NPAT: variants seen among roughly 807,000 people sequenced by gnomAD.
NPAT encodes nuclear protein, coactivator of histone transcription.
A neutral mutation model predicts 130.7 loss-of-function variants in NPAT; 52 were observed. That is an observed-to-expected ratio of 0.40 (90% CI 0.32 to 0.50). The LOEUF (loss-of-function observed/expected upper bound fraction) is 0.50, where lower values mean the gene tolerates loss of function less well. Among genes scored for constraint, NPAT ranks in the 20% least tolerant of loss-of-function variants. The pLI, the probability that NPAT is intolerant of heterozygous loss-of-function variation, is 0.68. For synonymous variants in NPAT, 580 were observed against 584.8 expected (o/e 0.99, Z 0.12); for missense variants, 1,687 against 1,662.6 (o/e 1.01, Z -0.26).
At chr11:108,197,453 C>A (rs1468561564) in intron 1 of NPAT, 33 bp from the exon 2 acceptor site, 1 of 1,341,456 alleles carries the variant, frequency 7.5e-7, no homozygotes, top group Non-Finnish European at 1.1e-6. Context: ...GGTACTTATA[C>A]TAAATTCTGT....
chr11:108,208,200 T>G (rs191525500), intron 1 of NPAT, among the ~76,000 whole-genome samples: 222 of 152,230 alleles, frequency 1.5e-3, no homozygotes, highest in African/African-American at 5.2e-3. Context: ...ACAGTTTTGG[T>G]TTTGGAGCAT....
intron 1 of NPAT, among the ~76,000 whole-genome samples, chr11:108,208,053 G>A (rs1228097290): frequency 6.6e-6 from 1 of 152,156 alleles, no homozygotes; most frequent in Non-Finnish European, 1.5e-5. Context: ...GAAATGCTTG[G>A]GACCAGAAGT....
At position 108,173,395 on chromosome 11, in the gene NPAT, C is replaced by T; in HGVS notation, c.1589G>A (p.Ser530Asn). 1 of 1,614,030 alleles carries T rather than the reference C, an allele frequency of 6.2e-7. No homozygotes were observed. Among genetic ancestry groups the T allele is most frequent in the East Asian group, 2.2e-5 (1 of 44,858 alleles). ...NNENLILSGK[S>N]SQLLSQDTSL... ...AGTATCTTGGGATAAAAGTTGAGAA[C>T]TCTTCCCAGAGAGAATTAAGTTTTC... The change falls in exon 13 of 18, where the codon AGT becomes AAT. Residue 530 changes from serine to asparagine, a missense_variant. By Grantham distance (46) the Ser-to-Asn change is conservative (BLOSUM62 1). Transcript: ENST00000278612.
rs376339017 is a variant in NPAT, at chr11:108,172,772, C to A, written c.2212G>T (p.Val738Phe). Reference sequence around the variant, plus strand: ...TCACTAATGATAACTTTGAGAGAGACGATATTTGATGCATCTATCTCTGCT... The same window carrying A: ...TCACTAATGATAACTTTGAGAGAGAAGATATTTGATGCATCTATCTCTGCT... ...NSAEIDASNIVSLKVIISDDP... is the reference protein window; with the variant it reads ...NSAEIDASNIFSLKVIISDDP... Residue 738 changes from valine (V) to phenylalanine (F), a missense_variant, in exon 13 of 18, where the codon GTC becomes TTC. Val to Phe is a conservative substitution (Grantham distance 50). Around this residue, in one of 3 missense-constraint regions of NPAT, gnomAD observed 1,379 missense variants for 1,346.6 expected, o/e 1.02. Transcript: ENST00000278612. The A allele has an allele frequency of 5.6e-6, 9 of 1,613,526 alleles. No individual in the cohort carries two copies. The highest frequency in any genetic ancestry group is 2.2e-5 in the East Asian group (1 of 44,864).
At chr11:108,167,281 GCTTA>G (rs1374542345) in intron 15 of NPAT, among the ~76,000 whole-genome samples, 1 of 152,166 alleles carries the variant, frequency 6.6e-6, no homozygotes, top group African/African-American at 2.4e-5. Context: ...CATGATCATG[GCTTA>G]CTTACAGCCT....
intron 10 of NPAT, among the ~76,000 whole-genome samples, chr11:108,181,736 A>G (rs2134851025): frequency 6.7e-6 from 1 of 149,648 alleles, no homozygotes; most frequent in South Asian, 2.2e-4. Flanking sequence ...CGAGGTCATA[A>G]TAAAAAAAAA....
intron 10 of NPAT, among the ~76,000 whole-genome samples, chr11:108,177,965 C>T (rs1391815979): frequency 6.6e-6 from 1 of 152,134 alleles, no homozygotes. Context: ...ATGCGATCCG[C>T]CCACCTCGGC....
intron 7 of NPAT, 39 bp from the exon 8 acceptor site, chr11:108,186,608 A>AT: frequency 6.8e-7 from 1 of 1,468,382 alleles, no homozygotes; most frequent in East Asian, 2.3e-5. Flanking sequence ...TAACCACTAT[A>AT]TTTAACAGAT....
At chr11:108,194,070 T>G (rs1037641781) in intron 2 of NPAT, 53 bp from the exon 3 acceptor site, 3 of 945,148 alleles carry the variant, frequency 3.2e-6, no homozygotes, top group Non-Finnish European at 5.1e-6. Context: ...TACCAATAAT[T>G]TCTCACAAGA....
intron 15 of NPAT, among the ~76,000 whole-genome samples, chr11:108,165,669 C>T (rs1463869443): frequency 4.1e-5 from 6 of 147,836 alleles, no homozygotes; most frequent in East Asian, 2.0e-4. Context: ...CTCACTCTGT[C>T]GCCCAGGCTG....
chr11:108,207,528 G>A (rs1168160531), intron 1 of NPAT, among the ~76,000 whole-genome samples: 2 of 152,262 alleles, frequency 1.3e-5, no homozygotes, highest in African/African-American at 4.8e-5. Flanking sequence ...GTGCTCATCA[G>A]AGCTCAAAGT....
intron 1 of NPAT, among the ~76,000 whole-genome samples, chr11:108,203,001 C>T (rs1032489680): frequency 4.6e-5 from 7 of 152,104 alleles, no homozygotes; most frequent in East Asian, 1.9e-4. Context: ...ACAATACTAT[C>T]TTCATTGTGC....
At chr11:108,192,728 G>C (rs1184658126) in intron 3 of NPAT, among the ~76,000 whole-genome samples, 4 of 152,144 alleles carry the variant, frequency 2.6e-5, no homozygotes, top group Non-Finnish European at 4.4e-5. Flanking sequence ...GGCTGAGGTG[G>C]GCAGATCATG....
intron 10 of NPAT, among the ~76,000 whole-genome samples, chr11:108,183,732 T>C (rs1565316006): frequency 1.3e-5 from 2 of 151,428 alleles, no homozygotes; most frequent in Non-Finnish European, 3.0e-5. Flanking sequence ...AACTCAGGAG[T>C]TGCAGTGAGC....
intron 10 of NPAT, among the ~76,000 whole-genome samples, chr11:108,177,636 T>G (rs2078021554): frequency 6.6e-6 from 1 of 152,210 alleles, no homozygotes; most frequent in Non-Finnish European, 1.5e-5. Context: ...GTAAGAACTT[T>G]GGTGAATATA....
intron 13 of NPAT, chr11:108,171,235 C>T (rs573322956): frequency 7.4e-6 from 1 of 134,884 alleles, no homozygotes; most frequent in Non-Finnish European, 1.5e-5. Flanking sequence ...GCTTTAGATT[C>T]TTCTGTCTCA....
chr11:108,189,346 AT>A lies in NPAT; in HGVS notation c.332-17del. On this transcript the variant is annotated splice_polypyrimidine_tract_variant and intron_variant, in intron 5 of 17. Transcript: ENST00000278612. ...CTCGTTCGGGCTGAAACATATAAGC[AT>A]TTAAAAAACAAATTCAACGTCAGGG... is the stretch of plus-strand genomic sequence containing the variant. The A allele has an allele frequency of 1.2e-6, 2 of 1,613,154 alleles. No homozygotes were observed. Among genetic ancestry groups the A allele is most frequent in the Non-Finnish European group, 1.7e-6 (2 of 1,179,080 alleles).
intron 1 of NPAT, 29 bp downstream of exon 1, chr11:108,222,471 A>G (rs773550815): frequency 2.5e-6 from 4 of 1,612,726 alleles, no homozygotes; most frequent in Non-Finnish European, 3.4e-6. Context: ...GCCGGGTCCA[A>G]TAACCCTCCA....
intron 15 of NPAT, among the ~76,000 whole-genome samples, chr11:108,168,597 G>A (rs1389779510): frequency 1.3e-5 from 2 of 152,196 alleles, no homozygotes; most frequent in Non-Finnish European, 2.9e-5. Flanking sequence ...AATGTGTTAA[G>A]TGCTGTAGCA....
Sources: allele counts gnomAD v4.1 joint callset (sites outside exome capture counted in the v4.1 genomes callset), GRCh38; gene constraint gnomAD v4.1.1; regional missense constraint gnomAD v4.1.1; transcripts MANE v1.5; gene names NCBI Gene and HGNC (gene_info 2026-07-23, HGNC 2026-07-21).